The following SHISA6 variants were observed in gnomAD, a reference collection of about 807,000 sequenced individuals.
SHISA6 encodes the protein protein shisa-6.
Under a neutral mutation model 47.9 loss-of-function variants are expected in SHISA6, and 22 were observed. The ratio of observed to expected loss-of-function variants is 0.46; its 90% CI spans 0.33 to 0.66. The LOEUF is 0.66. Among genes scored for constraint, SHISA6 ranks in the 30% least tolerant of loss-of-function variants. The pLI, the probability that SHISA6 is intolerant of heterozygous loss-of-function variation, is 0.02. For synonymous variants in SHISA6, 388 were observed against 337.8 expected (o/e 1.15, Z -1.63); for missense variants, 680 against 764.6 (o/e 0.89, Z 1.30).
intron 3 of SHISA6, among the ~76,000 whole-genome samples, chr17:11,525,496 G>A (rs1422908339): frequency 6.6e-6 from 1 of 151,844 alleles, no homozygotes. Context: ...AGCTGGGCGT[G>A]GTGGCACATG....
At chr17:11,422,209 C>T (rs1914468227) in intron 3 of SHISA6, among the ~76,000 whole-genome samples, 3 of 152,208 alleles carry the variant, frequency 2.0e-5, no homozygotes, top group Non-Finnish European at 4.4e-5. Flanking sequence ...CATCGCTCCA[C>T]CTGCAGCCTG....
At chr17:11,505,403 G>A (rs541254941) in intron 3 of SHISA6, among the ~76,000 whole-genome samples, 8 of 152,226 alleles carry the variant, frequency 5.3e-5, no homozygotes, top group Non-Finnish European at 1.0e-4. Flanking sequence ...GGAGTGGGAT[G>A]TAGCTGTGTG....
At chr17:11,556,097 A>C (rs1262184228) in intron 5 of SHISA6, among the ~76,000 whole-genome samples, 3 of 152,238 alleles carry the variant, frequency 2.0e-5, no homozygotes, top group Non-Finnish European at 4.4e-5. Context: ...CATAGAAAGA[A>C]GACCATGGAA....
At chr17:11,347,327 G>GT in intron 2 of SHISA6, among the ~76,000 whole-genome samples, 1 of 152,288 alleles carries the variant, frequency 6.6e-6, no homozygotes. Context: ...AGAAGAACCA[G>GT]GGGAGTAGAA....
At chr17:11,325,994 G>A (rs1323174061) in intron 2 of SHISA6, among the ~76,000 whole-genome samples, 2 of 152,242 alleles carry the variant, frequency 1.3e-5, no homozygotes, top group African/African-American at 4.8e-5. Flanking sequence ...CTAAAGGCCG[G>A]GCACAGTGGC....
intron 2 of SHISA6, among the ~76,000 whole-genome samples, chr17:11,302,612 A>T (rs754407269): frequency 2.0e-5 from 3 of 152,218 alleles, no homozygotes; most frequent in Non-Finnish European, 4.4e-5. Flanking sequence ...AGAGAAGCAG[A>T]TGTTGAGGAA....
chr17:11,418,742 A>G (rs1914359582), intron 3 of SHISA6, among the ~76,000 whole-genome samples: 1 of 152,214 alleles, frequency 6.6e-6, no homozygotes, highest in South Asian at 2.1e-4. Context: ...TGTGAAAGGA[A>G]TCACCTTTCC....
At position 11,515,357 on chromosome 17, in the gene SHISA6, GAA is replaced by G. The variant is rs1257282803; in HGVS notation, c.896-36538_896-36537del. 3.4e-5 allele frequency among the ~76,000 whole-genome samples: 5 copies of G among 145,842 alleles called. No individual in the cohort carries two copies. In the East Asian group the frequency reaches 1.0e-3, roughly 30 times the overall value. On this transcript the variant is annotated intron_variant, in intron 3 of 5. Coordinates refer to ENST00000441885, the MANE Select transcript of SHISA6 (RefSeq NM_207386.4). ...GGAAGGAAGGAAGGAAGGAAGGAAG[GAA>G]GGAAGGGAGAGAAAATGCTCCAAAT...
chr17:11,451,124 G>C (rs745962535), intron 3 of SHISA6, among the ~76,000 whole-genome samples: 11 of 151,832 alleles, frequency 7.2e-5, no homozygotes, highest in Non-Finnish European at 1.3e-4. Context: ...GACCCTGCTG[G>C]TCACTGTGCT....
In SHISA6 at chr17:11,295,657, C is replaced by A. The variant is rs149360866; in HGVS notation, c.799+32131C>A. On this transcript the variant is annotated intron_variant, in intron 2 of 5. Transcript: ENST00000441885. The stretch of plus-strand genomic sequence containing the variant: ...GAGGAGGTGACGTTTGAGCTGAGAC[C>A]TAAAAGATTAAAAGGAAGTCATGGG... 1.6e-3 allele frequency among the ~76,000 whole-genome samples: 238 copies of A among 152,024 alleles called. 1 individual carries two copies. Among genetic ancestry groups the A allele is most frequent in the African/African-American group, 5.3e-3 (218 of 41,468 alleles).
At chr17:11,372,173 G>T (rs1056066793) in intron 2 of SHISA6, among the ~76,000 whole-genome samples, 1 of 152,164 alleles carries the variant, frequency 6.6e-6, no homozygotes, top group African/African-American at 2.4e-5. Context: ...CATCATGGAT[G>T]TTGGATTCCA....
chr17:11,305,913 A>G (rs1399991325), intron 2 of SHISA6, among the ~76,000 whole-genome samples: 1 of 152,132 alleles, frequency 6.6e-6, no homozygotes, highest in Non-Finnish European at 1.5e-5. Flanking sequence ...GGGAGAAGGC[A>G]TTATTTGTGG....
At chr17:11,441,881 A>C (rs2142298004) in intron 3 of SHISA6, among the ~76,000 whole-genome samples, 1 of 152,290 alleles carries the variant, frequency 6.6e-6, no homozygotes, top group Admixed American at 6.5e-5. Context: ...TTCTGTGAGC[A>C]GTGAGCAGCT....
chr17:11,486,926 G>A (rs1358457091), intron 3 of SHISA6, among the ~76,000 whole-genome samples: 14 of 152,208 alleles, frequency 9.2e-5, no homozygotes, highest in African/African-American at 3.1e-4. Flanking sequence ...GTCTGCCAGC[G>A]AGGCCTGGGG....
chr17:11,373,102 G>T (rs1912680840), intron 2 of SHISA6, among the ~76,000 whole-genome samples: 1 of 151,346 alleles, frequency 6.6e-6, no homozygotes, highest in Non-Finnish European at 1.5e-5. Context: ...TGGGATTTGT[G>T]TACTGCTTGA....
chr17:11,281,228 A>C (rs1297982097), intron 2 of SHISA6, among the ~76,000 whole-genome samples: 1 of 152,160 alleles, frequency 6.6e-6, no homozygotes, highest in Non-Finnish European at 1.5e-5. Context: ...AAGTGGTGAC[A>C]ACTTATTTTC....
intron 3 of SHISA6, among the ~76,000 whole-genome samples, chr17:11,517,627 T>G (rs376987191): frequency 2.2e-4 from 33 of 152,156 alleles, no homozygotes; most frequent in African/African-American, 7.5e-4. Context: ...CTCAGCCTCC[T>G]TAGTAGCTGG....
intron 4 of SHISA6, 70 bp from the exon 5 acceptor site, chr17:11,555,670 T>C: frequency 7.0e-7 from 1 of 1,435,562 alleles, no homozygotes; most frequent in East Asian, 2.6e-5. Flanking sequence ...GAATCAGGGG[T>C]GAGGCAGAAA....
intron 3 of SHISA6, among the ~76,000 whole-genome samples, chr17:11,384,842 G>T (rs1028053175): frequency 6.6e-6 from 1 of 152,210 alleles, no homozygotes; most frequent in African/African-American, 2.4e-5. Context: ...GAGAGAGGAA[G>T]AAAGACCAAG....
Sources: allele counts gnomAD v4.1 joint callset (sites outside exome capture counted in the v4.1 genomes callset), GRCh38; gene constraint gnomAD v4.1.1; transcripts MANE v1.5; gene names NCBI Gene and HGNC (gene_info 2026-07-23, HGNC 2026-07-21).